COL19A1: variants seen among roughly 807,000 people sequenced by gnomAD.
COL19A1 encodes the protein collagen type XIX alpha 1 chain, also known as collagen alpha-1(XIX) chain.
A neutral mutation model predicts 190.2 loss-of-function variants in COL19A1; 159 were observed. That is an observed-to-expected ratio of 0.84 (90% CI 0.73 to 0.95). The LOEUF is 0.95. COL19A1 is among the 40% of genes least tolerant of loss of function. The probability of loss-of-function intolerance (pLI) is 0.00; values close to 1 mark genes in which losing one functional copy is unlikely to be tolerated. For synonymous variants in COL19A1, 509 were observed against 458.9 expected, an observed-to-expected ratio of 1.11 and a Z score of -1.39; for missense variants, 1,418 against 1,431.9, an observed-to-expected ratio of 0.99 and a Z score of 0.16.
chr6:69,946,539 T>C (rs965543657), intron 9 of COL19A1, among the ~76,000 whole-genome samples: 88 of 152,064 alleles, frequency 5.8e-4, no homozygotes, highest in African/African-American at 2.0e-3. Context: ...GAATTACTGA[T>C]TTTTTACAAT....
At chr6:69,885,413 ATAAT>A (rs1379505352) in intron 2 of COL19A1, among the ~76,000 whole-genome samples, 2 of 152,230 alleles carry the variant, frequency 1.3e-5, no homozygotes, top group East Asian at 3.8e-4. Flanking sequence ...TGGGATGGAT[ATAAT>A]TAAATGACTA....
At position 70,049,162 on chromosome 6, in the gene COL19A1, C is replaced by T. The variant is rs150637266; in HGVS notation, c.1170+13223C>T. On this transcript the variant is annotated intron_variant, in intron 14 of 50. Coordinates refer to ENST00000620364, the MANE Select transcript of COL19A1 (RefSeq NM_001858.6). Reference sequence around the variant, plus strand: ...TATGAGTTGCCTAAATTTGAATCAACACTATTAGTTTTCTAAAGTTGCGTA... The same window carrying T: ...TATGAGTTGCCTAAATTTGAATCAATACTATTAGTTTTCTAAAGTTGCGTA... Among the ~76,000 whole-genome samples the T allele has an allele frequency of 3.7e-3, 563 of 151,990 alleles. 11 individuals carry two copies. The highest frequency in any genetic ancestry group is 0.013 in the African/African-American group (533 of 41,530).
At chr6:69,956,109 A>G (rs1016610019) in intron 9 of COL19A1, among the ~76,000 whole-genome samples, 3 of 152,000 alleles carry the variant, frequency 2.0e-5, no homozygotes, top group Non-Finnish European at 4.4e-5. Flanking sequence ...GTATATACAT[A>G]CATACACACA....
chr6:70,008,893 C>T (rs140239408), intron 11 of COL19A1, among the ~76,000 whole-genome samples: 1 of 152,036 alleles, frequency 6.6e-6, no homozygotes, highest in African/African-American at 2.4e-5. Context: ...TGATGTCATG[C>T]ACCATATTAG....
chr6:70,192,192 C>G (rs962327605), intron 48 of COL19A1, among the ~76,000 whole-genome samples: 4 of 152,130 alleles, frequency 2.6e-5, no homozygotes, highest in African/African-American at 9.7e-5. Flanking sequence ...TCCAGAGTAG[C>G]TGGGATTACA....
At chr6:70,163,763 C>G (rs1787967195) in intron 36 of COL19A1, among the ~76,000 whole-genome samples, 1 of 152,114 alleles carries the variant, frequency 6.6e-6, no homozygotes, top group Admixed American at 6.6e-5. Context: ...TTTTCTATGA[C>G]AAAATACCAT....
At chr6:69,968,172 CT>C (rs548184578) in intron 11 of COL19A1, among the ~76,000 whole-genome samples, 20 of 152,152 alleles carry the variant, frequency 1.3e-4, no homozygotes, top group African/African-American at 4.6e-4. Flanking sequence ...TCAGTGGTTA[CT>C]TTTGAAGATG....
intron 14 of COL19A1, among the ~76,000 whole-genome samples, chr6:70,044,002 T>C (rs1004386344): frequency 6.6e-5 from 10 of 152,214 alleles, no homozygotes; most frequent in Non-Finnish European, 1.0e-4. Flanking sequence ...GTTACCTTCA[T>C]TGAAGATCTT....
chr6:70,062,949 C>T (rs1780934739), intron 14 of COL19A1, among the ~76,000 whole-genome samples: 1 of 152,042 alleles, frequency 6.6e-6, no homozygotes, highest in African/African-American at 2.4e-5. Context: ...AATATATATG[C>T]ACCCAATACA....
intron 47 of COL19A1, among the ~76,000 whole-genome samples, chr6:70,189,152 T>C (rs1377502794): frequency 6.6e-6 from 1 of 152,214 alleles, no homozygotes; most frequent in African/African-American, 2.4e-5. Flanking sequence ...TTTATTTTTA[T>C]TTTTTGTCAT....
At chr6:69,892,004 G>C (rs985549927) in intron 2 of COL19A1, among the ~76,000 whole-genome samples, 1 of 152,198 alleles carries the variant, frequency 6.6e-6, no homozygotes, top group African/African-American at 2.4e-5. Flanking sequence ...TGAATGCTAA[G>C]TTAAAACTGT....
At chr6:70,141,354 G>A (rs1445091166) in intron 20 of COL19A1, among the ~76,000 whole-genome samples, 1 of 152,056 alleles carries the variant, frequency 6.6e-6, no homozygotes, top group Admixed American at 6.6e-5. Flanking sequence ...GCACAAAGTG[G>A]ATTTATCAAA....
intron 17 of COL19A1, 126 bp downstream of exon 17, chr6:70,122,068 T>G: frequency 1.8e-6 from 1 of 560,484 alleles, no homozygotes; most frequent in South Asian, 3.1e-5. Context: ...TTTAAACATC[T>G]TTCCATACTG....
chr6:70,096,084 A>ATTTTTTTTT (rs70987498), intron 15 of COL19A1, among the ~76,000 whole-genome samples: 1 of 141,294 alleles, frequency 7.1e-6, no homozygotes. Flanking sequence ...CGGTAACTCT[A>ATTTTTTTTT]TTTTTTTTTT....
intron 16 of COL19A1, among the ~76,000 whole-genome samples, chr6:70,109,054 A>G (rs956008398): frequency 1.3e-5 from 2 of 152,182 alleles, no homozygotes; most frequent in Admixed American, 1.3e-4. Context: ...AACAAACTAC[A>G]GATAAGGTCT....
intron 9 of COL19A1, among the ~76,000 whole-genome samples, chr6:69,948,520 T>C (rs1158040011): frequency 3.3e-5 from 5 of 151,808 alleles, no homozygotes; most frequent in African/African-American, 2.4e-5. Flanking sequence ...AAGGACTAGA[T>C]GAAGCATTCA....
At chr6:70,081,994 A>G (rs1782286984) in intron 15 of COL19A1, among the ~76,000 whole-genome samples, 1 of 152,352 alleles carries the variant, frequency 6.6e-6, no homozygotes, top group Admixed American at 6.5e-5. Flanking sequence ...TATTATTCTC[A>G]TAGCTTTACA....
chr6:69,891,395 G>A (rs1430730661), intron 2 of COL19A1, among the ~76,000 whole-genome samples: 1 of 152,108 alleles, frequency 6.6e-6, no homozygotes, highest in Non-Finnish European at 1.5e-5. Context: ...GAGGACAGAT[G>A]AGAAGAAAGG....
chr6:69,959,315 G>T (rs939588003), intron 9 of COL19A1, among the ~76,000 whole-genome samples: 5 of 151,928 alleles, frequency 3.3e-5, no homozygotes, highest in African/African-American at 1.2e-4. Context: ...TTGATCTAAT[G>T]GCAATCACCA....
Sources: allele counts gnomAD v4.1 joint callset (sites outside exome capture counted in the v4.1 genomes callset), GRCh38; gene constraint gnomAD v4.1.1; transcripts MANE v1.5; gene names NCBI Gene and HGNC (gene_info 2026-07-23, HGNC 2026-07-21).